PCDH11X: variants seen among roughly 807,000 people sequenced by gnomAD.
The protein encoded by PCDH11X is protocadherin 11 X-linked, also known as protocadherin-11 X-linked.
A neutral mutation model predicts 53.3 loss-of-function variants in PCDH11X; 18 were observed. The observed-to-expected ratio is 0.34, with a 90% CI of 0.23 to 0.50. The LOEUF is 0.50. Ranked by LOEUF, PCDH11X falls within the 20% of genes least tolerant of loss-of-function variation. The probability of loss-of-function intolerance (pLI) is 0.98; values close to 1 mark genes in which losing one functional copy is unlikely to be tolerated. For synonymous variants in PCDH11X, 279 were observed against 393.3 expected (o/e 0.71, Z 3.44); for missense variants, 570 against 1,032.4 (o/e 0.55, Z 6.14).
rs778686376 is a variant in PCDH11X at position 92,123,142 on chromosome X, T to C, written c.3034-78233T>C. On this transcript the variant is annotated intron_variant, in intron 6 of 10. Coordinates refer to ENST00000682573, the MANE Select transcript of PCDH11X (RefSeq NM_032968.5). ...AATTCCTGTCCCAATCCTCACCCAC[T>C]GCATGTTGGCCTATGTAAACTTTTT... is the stretch of plus-strand genomic sequence containing the variant. 1.3e-4 allele frequency among the ~76,000 whole-genome samples: 15 copies of C among 111,249 alleles called. No homozygotes were observed. The East Asian group carries it at 3.4e-3, about 25-fold the overall frequency.
intron 6 of PCDH11X, among the ~76,000 whole-genome samples, chrX:92,154,114 T>G (rs2065485909): frequency 9.1e-6 from 1 of 110,047 alleles, no homozygotes; most frequent in African/African-American, 3.3e-5. Context: ...AACTCTGCTG[T>G]GATGAGGTGT....
intron 7 of PCDH11X, among the ~76,000 whole-genome samples, chrX:92,239,584 A>G (rs764633573): frequency 1.8e-5 from 2 of 112,007 alleles, no homozygotes; most frequent in Admixed American, 9.5e-5. Context: ...GTAATTCTGC[A>G]TTACTGACAA....
In PCDH11X at chrX:92,468,299, C is replaced by T. The variant is rs2073195539; in HGVS notation, c.3344C>T (p.Thr1115Ile). The change falls in exon 10 of 11, where the codon ACT becomes ATT. Residue 1115 changes from threonine to isoleucine, a missense_variant and splice_region_variant. Thr to Ile is a moderately conservative substitution (Grantham distance 89, BLOSUM62 -1). This residue lies in a region of PCDH11X where 234 missense variants were observed against 296.1 expected (regional missense o/e 0.79). Coordinates refer to ENST00000682573, the MANE Select transcript of PCDH11X (RefSeq NM_032968.5). The stretch of plus-strand genomic sequence containing the variant: ...TAACTTTATTAAAATTTCTTTTTAG[C>T]TTTCATACCTGGACTAAAGAAAGGT... ...EGDGNSDPES[T>I]FIPGLKKAAE... 2 of 1,144,890 alleles carry T rather than the reference C, an allele frequency of 1.7e-6. No individual in the cohort carries two copies. Among genetic ancestry groups the T allele is most frequent in the Middle Eastern group, 2.4e-4 (1 of 4,093 alleles). 94.4% of individuals were successfully genotyped at this position (1,144,890 alleles called of 1,213,427 possible).
chrX:92,484,175 ATG>A (rs2044582583), intron 10 of PCDH11X, among the ~76,000 whole-genome samples: 1 of 51,053 alleles, frequency 2.0e-5, no homozygotes, highest in East Asian at 1.5e-3. Flanking sequence ...ATGTATATAT[ATG>A]TATGTATATA....
At chrX:92,152,850 T>A (rs1169026462) in intron 6 of PCDH11X, among the ~76,000 whole-genome samples, 2 of 110,710 alleles carry the variant, frequency 1.8e-5, no homozygotes, top group African/African-American at 6.6e-5. Flanking sequence ...CAGGCTGGAG[T>A]GCAGTGGCGT....
At chrX:92,568,225 T>G (rs1921733789) in intron 10 of PCDH11X, among the ~76,000 whole-genome samples, 2 of 109,692 alleles carry the variant, frequency 1.8e-5, no homozygotes, top group African/African-American at 3.3e-5. Flanking sequence ...ATCGAGACCA[T>G]CCTGACTAAC....
chrX:92,591,944 G>A (rs1338735343), intron 10 of PCDH11X, among the ~76,000 whole-genome samples: 1 of 107,645 alleles, frequency 9.3e-6, no homozygotes, highest in Non-Finnish European at 1.9e-5. Context: ...TATGGTAAAA[G>A]CCTGGAAATT....
intron 10 of PCDH11X, chrX:92,569,845 CT>C: frequency 1.5e-5 from 2 of 132,212 alleles, no homozygotes; most frequent in South Asian, 2.9e-4. Flanking sequence ...GTGAAACCCC[CT>C]CTCTACTAAA....
chrX:91,880,752 TAC>T (rs1187517621), intron 6 of PCDH11X, among the ~76,000 whole-genome samples: 2 of 110,635 alleles, frequency 1.8e-5, no homozygotes, highest in Non-Finnish European at 1.9e-5. Flanking sequence ...TCCCATATTT[TAC>T]ATAGTTAGTG....
At chrX:91,916,139 TA>T (rs1173216582) in intron 6 of PCDH11X, among the ~76,000 whole-genome samples, 1 of 110,910 alleles carries the variant, frequency 9.0e-6, no homozygotes, top group African/African-American at 3.3e-5. Context: ...ATGATAATAG[TA>T]ACAAAACTTA....
At chrX:91,811,163 T>A in intron 3 of PCDH11X, 74 bp from the exon 4 acceptor site, 17 of 1,005,925 alleles carry the variant, frequency 1.7e-5, no homozygotes, top group Non-Finnish European at 2.3e-5. Flanking sequence ...TTCATTTAAG[T>A]TTAAACTGAT....
At chrX:92,283,655 T>C (rs890274481) in intron 8 of PCDH11X, among the ~76,000 whole-genome samples, 1 of 111,864 alleles carries the variant, frequency 8.9e-6, no homozygotes, top group African/African-American at 3.2e-5. Flanking sequence ...TTTCATGATC[T>C]GATGGACAAT....
At chrX:92,018,641 C>A (rs1569310819) in intron 6 of PCDH11X, among the ~76,000 whole-genome samples, 1 of 112,261 alleles carries the variant, frequency 8.9e-6, no homozygotes, top group Non-Finnish European at 1.9e-5. Flanking sequence ...AATATACAGC[C>A]ATGCTTCATA....
intron 6 of PCDH11X, among the ~76,000 whole-genome samples, chrX:91,997,593 T>C (rs2062441427): frequency 8.9e-6 from 1 of 111,793 alleles, no homozygotes; most frequent in African/African-American, 3.3e-5. Flanking sequence ...GTATGATCTT[T>C]TTAATGTGCT....
intron 5 of PCDH11X, among the ~76,000 whole-genome samples, chrX:91,873,209 C>G (rs982961274): frequency 7.3e-5 from 8 of 110,142 alleles, no homozygotes; most frequent in Non-Finnish European, 1.3e-4. Context: ...AACATGATGT[C>G]TTAGGATAGT....
At chrX:92,435,167 A>G (rs1412161399) in intron 9 of PCDH11X, among the ~76,000 whole-genome samples, 5 of 110,968 alleles carry the variant, frequency 4.5e-5, no homozygotes, top group African/African-American at 1.3e-4. Context: ...AGAATAGACC[A>G]AGATGAGGAA....
rs922129614 is a variant in PCDH11X at position 91,917,145 on chromosome X, A to C, written c.3033+37872A>C. Among the ~76,000 whole-genome samples, 6 of 110,905 alleles carry C rather than the reference A, an allele frequency of 5.4e-5. No homozygotes were observed. In the Admixed American group the frequency reaches 5.8e-4, roughly 11 times the overall value. On this transcript the variant is annotated intron_variant, in intron 6 of 10. Transcript: ENST00000682573. ...GATTAAAATCCTCAGCAAAATTGGC[A>C]TACAAAGGACATACCTCAAGGTAAT...
chrX:91,988,114 C>T (rs1268354379), intron 6 of PCDH11X, among the ~76,000 whole-genome samples: 2 of 110,998 alleles, frequency 1.8e-5, no homozygotes, highest in African/African-American at 6.5e-5. Context: ...TTTTGATGAG[C>T]AATACTATAA....
chrX:91,825,078 AG>A (rs1274748886), intron 4 of PCDH11X, among the ~76,000 whole-genome samples: 4 of 111,117 alleles, frequency 3.6e-5, no homozygotes, highest in Non-Finnish European at 7.5e-5. Flanking sequence ...CTCTCTTCAA[AG>A]CTGTCAGACA....
Sources: gnomAD v4.1 joint callset for allele counts (sites outside exome capture counted in the v4.1 genomes callset) on GRCh38, gnomAD v4.1.1 for gene constraint, gnomAD v4.1.1 regional missense constraint, MANE v1.5 for transcripts, NCBI Gene and HGNC (gene_info 2026-07-23, HGNC 2026-07-21) for gene names.